DCAF13: variants seen among roughly 807,000 people sequenced by gnomAD.
DCAF13 encodes the protein DDB1- and CUL4-associated factor 13.
In DCAF13, 38 loss-of-function variants were observed where a neutral mutation model predicts 59.0. The observed-to-expected ratio is 0.64, with a 90% CI of 0.50 to 0.84. The LOEUF is 0.84. Among genes scored for constraint, DCAF13 ranks in the 40% least tolerant of loss-of-function variants. DCAF13 has a pLI of 0.00. For missense variants in DCAF13, 469 were observed against 558.4 expected (o/e 0.84, Z 1.61); for synonymous variants, 173 against 175.0 (o/e 0.99, Z 0.09).
chr8:103,420,136 G>A, intron 1 of DCAF13, 128 bp from the exon 2 acceptor site: 5 of 809,962 alleles, frequency 6.2e-6, no homozygotes, highest in Non-Finnish European at 9.8e-6. Flanking sequence ...TTCTACTTTT[G>A]TATTCTTAGT....
chr8:103,422,495 C>G (rs1288482980), intron 3 of DCAF13, among the ~76,000 whole-genome samples: 1 of 152,150 alleles, frequency 6.6e-6, no homozygotes, highest in Non-Finnish European at 1.5e-5. Context: ...CTCAAAGAAT[C>G]TGTGAATGAG....
At chr8:103,427,763 T>G (rs2130484961) in intron 5 of DCAF13, 1 of 153,614 alleles carries the variant, frequency 6.5e-6, no homozygotes, top group Middle Eastern at 3.4e-3. Flanking sequence ...AAGTCTGAAT[T>G]GTGATTCCCA....
chr8:103,432,039 T>G (rs10094939), intron 6 of DCAF13, among the ~76,000 whole-genome samples: 35,332 of 152,104 alleles, frequency 0.23, 4,372 homozygotes, highest in Middle Eastern at 0.31. Flanking sequence ...TTTCTGTTGC[T>G]TCTTTGCTCC....
At chr8:103,432,357 C>T (rs1470402018) in intron 6 of DCAF13, among the ~76,000 whole-genome samples, 1 of 152,058 alleles carries the variant, frequency 6.6e-6, no homozygotes, top group East Asian at 1.9e-4. Flanking sequence ...TTAATTTTGC[C>T]CCTAATTTGA....
At chr8:103,428,644 A>T (rs1816823738) in intron 5 of DCAF13, 2 of 152,150 alleles carry the variant, frequency 1.3e-5, no homozygotes, top group South Asian at 4.1e-4. Flanking sequence ...GTAAAAGTTG[A>T]TAACATATGT....
chr8:103,423,581 CAA>C, intron 3 of DCAF13, among the ~76,000 whole-genome samples: 1 of 152,162 alleles, frequency 6.6e-6, no homozygotes, highest in South Asian at 2.1e-4. Flanking sequence ...GACAAAATTT[CAA>C]ATAGATGGGA....
intron 3 of DCAF13, among the ~76,000 whole-genome samples, chr8:103,422,638 A>T (rs2130478496): frequency 6.6e-6 from 1 of 152,366 alleles, no homozygotes; most frequent in South Asian, 2.1e-4. Context: ...GCATAATTCT[A>T]GTCTTTCACT....
intron 3 of DCAF13, among the ~76,000 whole-genome samples, chr8:103,422,334 C>G (rs1458149754): frequency 6.6e-6 from 1 of 152,102 alleles, no homozygotes; most frequent in Non-Finnish European, 1.5e-5. Flanking sequence ...CTGAACTTGA[C>G]ATCATCAATA....
chr8:103,432,577 G>T (rs531956301), intron 6 of DCAF13, 82 bp from the exon 7 acceptor site: 5 of 794,000 alleles, frequency 6.3e-6, no homozygotes, highest in South Asian at 6.1e-5. Flanking sequence ...CACATAATAG[G>T]TGTTTATGAA....
intron 6 of DCAF13, among the ~76,000 whole-genome samples, chr8:103,431,970 T>C (rs1334064282): frequency 1.3e-5 from 2 of 152,284 alleles, no homozygotes; most frequent in East Asian, 3.9e-4. Flanking sequence ...TAACATTGAA[T>C]TGGAGTTTGT....
chr8:103,418,174 G>A (rs562624115), intron 1 of DCAF13, among the ~76,000 whole-genome samples: 23 of 151,848 alleles, frequency 1.5e-4, no homozygotes, highest in South Asian at 4.2e-4. Flanking sequence ...GTAAATTGCC[G>A]CCAAATCAAG....
intron 2 of DCAF13, 101 bp downstream of exon 2, chr8:103,420,564 C>T: frequency 1.6e-6 from 2 of 1,244,354 alleles, no homozygotes; most frequent in Non-Finnish European, 2.2e-6. Context: ...TATTGGATTT[C>T]AATTTACTTC....
intron 4 of DCAF13, among the ~76,000 whole-genome samples, chr8:103,426,847 T>C (rs951822928): frequency 2.0e-5 from 3 of 152,100 alleles, no homozygotes; most frequent in African/African-American, 7.2e-5. Flanking sequence ...GAATGGGGTA[T>C]GAGTATGAGG....
At chr8:103,434,829 T>C (rs1246938014) in intron 7 of DCAF13, among the ~76,000 whole-genome samples, 1 of 152,134 alleles carries the variant, frequency 6.6e-6, no homozygotes, top group South Asian at 2.1e-4. Context: ...TTTTTACCAA[T>C]TGTGCATAAA....
chr8:103,416,191 C>CT (rs1373508396), intron 1 of DCAF13, among the ~76,000 whole-genome samples: 5 of 152,122 alleles, frequency 3.3e-5, no homozygotes, highest in Non-Finnish European at 7.4e-5. Context: ...GAAAGAAGGG[C>CT]TGTGTCATTA....
intron 1 of DCAF13, among the ~76,000 whole-genome samples, chr8:103,418,532 CAAAACA>C (rs778559287): frequency 6.0e-5 from 9 of 151,082 alleles, no homozygotes; most frequent in African/African-American, 9.8e-5. Context: ...TACCGCATCT[CAAAACA>C]AAAACAAAAA....
rs1327098942 is a variant in DCAF13 at position 103,420,303 on chromosome 8, T to C, written c.110T>C (p.Val37Ala). 1 of 1,614,082 alleles carries C rather than the reference T, an allele frequency of 6.2e-7. No individual in the cohort carries two copies. The highest frequency in any genetic ancestry group is 1.1e-5 in the South Asian group (1 of 91,050). Residue 37 changes from valine (V) to alanine (A), a missense_variant, in exon 2 of 11, where the codon GTC becomes GCC. This residue lies in a region of DCAF13 where 355 missense variants were observed against 399.1 expected (regional missense o/e 0.89). Coordinates refer to ENST00000612750, the MANE Select transcript of DCAF13 (RefSeq NM_015420.7). ...GATCCTGCTTTACATCCTTTTGAGG[T>C]CCCACGAGAATATATAAGAGCTTTA... ...NYDPALHPFE[V>A]PREYIRALNA...
At chr8:103,427,548 C>A in intron 5 of DCAF13, 1 of 368,022 alleles carries the variant, frequency 2.7e-6, no homozygotes, top group Non-Finnish European at 4.9e-6. Context: ...TTTACTCATG[C>A]CTTCAACTTC....
intron 8 of DCAF13, 150 bp from the exon 9 acceptor site, chr8:103,439,986 G>A: frequency 1.9e-6 from 1 of 522,488 alleles, no homozygotes; most frequent in Non-Finnish European, 3.0e-6. Flanking sequence ...CTTATTAGTT[G>A]GGTTCAATAA....
Sources: allele counts gnomAD v4.1 joint callset (sites outside exome capture counted in the v4.1 genomes callset), GRCh38; gene constraint gnomAD v4.1.1; regional missense constraint gnomAD v4.1.1; transcripts MANE v1.5; gene names NCBI Gene and HGNC (gene_info 2026-07-23, HGNC 2026-07-21).